CAMTA1: variants seen among roughly 807,000 people sequenced by gnomAD.
The protein encoded by CAMTA1 is calmodulin binding transcription activator 1, also known as calmodulin-binding transcription activator 1.
A neutral mutation model predicts 170.9 loss-of-function variants in CAMTA1; 27 were observed. The observed-to-expected ratio is 0.16, with a 90% confidence interval of 0.12 to 0.22. The LOEUF is 0.22. CAMTA1 is among the 10% of genes least tolerant of loss of function. The probability of loss-of-function intolerance (pLI) is 1.00; values close to 1 mark genes in which losing one functional copy is unlikely to be tolerated. For missense variants in CAMTA1, 1,619 were observed against 2,217.2 expected (o/e 0.73, Z 5.42); for synonymous variants, 833 against 891.5 (o/e 0.93, Z 1.17).
chr1:7,405,875 C>T (rs1393558875), intron 5 of CAMTA1, among the ~76,000 whole-genome samples: 1 of 152,212 alleles, frequency 6.6e-6, no homozygotes, highest in Admixed American at 6.5e-5. Context: ...AGGACAGCAC[C>T]TCCCCAGCTG....
intron 3 of CAMTA1, among the ~76,000 whole-genome samples, chr1:6,861,585 T>G (rs1664716883): frequency 1.3e-5 from 2 of 152,184 alleles, no homozygotes; most frequent in Admixed American, 6.5e-5. Flanking sequence ...CCATTTACAT[T>G]GAACTGCATG....
chr1:7,666,909 A>G (rs1416327925), intron 9 of CAMTA1, among the ~76,000 whole-genome samples: 2 of 148,914 alleles, frequency 1.3e-5, no homozygotes, highest in African/African-American at 2.5e-5. Flanking sequence ...TGTTTTTGAG[A>G]AGGAATTTCA....
chr1:7,332,923 C>T (rs921707870), intron 5 of CAMTA1, among the ~76,000 whole-genome samples: 3 of 152,118 alleles, frequency 2.0e-5, no homozygotes, highest in Non-Finnish European at 4.4e-5. Context: ...GAAAGCTGAC[C>T]GTAGGCTTGA....
intron 3 of CAMTA1, among the ~76,000 whole-genome samples, chr1:6,993,043 A>G (rs1696645052): frequency 6.6e-6 from 1 of 152,228 alleles, no homozygotes; most frequent in African/African-American, 2.4e-5. Flanking sequence ...TAACCACATA[A>G]GGGTGGATCT....
At chr1:7,573,574 G>A (rs1168198739) in intron 6 of CAMTA1, among the ~76,000 whole-genome samples, 4 of 152,210 alleles carry the variant, frequency 2.6e-5, no homozygotes, top group Non-Finnish European at 5.9e-5. Flanking sequence ...TTCCTTCCAG[G>A]AGAGCCTATG....
At chr1:7,659,929 G>A (rs2095940051) in intron 7 of CAMTA1, among the ~76,000 whole-genome samples, 1 of 152,206 alleles carries the variant, frequency 6.6e-6, no homozygotes, top group African/African-American at 2.4e-5. Flanking sequence ...GGCTCAGAGA[G>A]GCTAAGTGAC....
At chr1:7,012,606 G>A (rs1258283439) in intron 3 of CAMTA1, among the ~76,000 whole-genome samples, 2 of 152,150 alleles carry the variant, frequency 1.3e-5, no homozygotes, top group Non-Finnish European at 2.9e-5. Context: ...GCGCTTCTCA[G>A]TCCTCGCCCT....
intron 11 of CAMTA1, among the ~76,000 whole-genome samples, chr1:7,712,965 A>T (rs1412691806): frequency 1.3e-5 from 2 of 152,172 alleles, no homozygotes; most frequent in Admixed American, 1.3e-4. Flanking sequence ...CACCCTCATG[A>T]TTCAGTTACC....
At chr1:7,059,081 T>C (rs1043382436) in intron 3 of CAMTA1, among the ~76,000 whole-genome samples, 1 of 152,192 alleles carries the variant, frequency 6.6e-6, no homozygotes, top group Non-Finnish European at 1.5e-5. Flanking sequence ...TGGGCTCTCC[T>C]TTCCATCCTC....
In CAMTA1 at chr1:7,100,729, C is replaced by A. The variant is rs754244645; in HGVS notation, c.302+9358C>A. On this transcript the variant is annotated intron_variant, in intron 4 of 22. Transcript: ENST00000303635. ...TTAATGCACCATTCTTAGTTTAGAGCCTTTCCTGGCATTGGCACAGGGGCG... is the reference window on the plus strand; with the variant it reads ...TTAATGCACCATTCTTAGTTTAGAGACTTTCCTGGCATTGGCACAGGGGCG... Among the ~76,000 whole-genome samples the A allele has an allele frequency of 2.2e-4, 34 of 152,334 alleles. 1 individual carries two copies. The highest frequency in any genetic ancestry group is 3.9e-4 in the Admixed American group (6 of 15,308).
chr1:7,491,917 C>T (rs1226040225), intron 6 of CAMTA1, among the ~76,000 whole-genome samples: 2 of 152,216 alleles, frequency 1.3e-5, no homozygotes, highest in African/African-American at 2.4e-5. Flanking sequence ...AAGACCCATG[C>T]TGCTGCCGAA....
At chr1:7,387,975 A>G (rs1020313675) in intron 5 of CAMTA1, among the ~76,000 whole-genome samples, 1 of 152,096 alleles carries the variant, frequency 6.6e-6, no homozygotes, top group African/African-American at 2.4e-5. Flanking sequence ...ATCAACATCC[A>G]GCTCTCCCAG....
Position 7,449,739 on chromosome 1 carries a change from C to T in CAMTA1, c.439-18091C>T, listed in dbSNP as rs551316245. On this transcript the variant is annotated intron_variant, in intron 5 of 22. Transcript: ENST00000303635. ...GAGCCGAAATAGTGCCACTACACTCCAGTCTGGGCAACAGAGCAAGACTCG... is the reference window on the plus strand; with the variant it reads ...GAGCCGAAATAGTGCCACTACACTCTAGTCTGGGCAACAGAGCAAGACTCG... 2.0e-3 allele frequency among the ~76,000 whole-genome samples: 264 copies of T among 134,398 alleles called. 3 individuals carry two copies. The highest frequency in any genetic ancestry group is 7.1e-3 in the African/African-American group (254 of 36,014). 88.2% of individuals were successfully genotyped at this position (134,398 alleles called of 152,430 possible).
chr1:7,761,276 G>A (rs747532097), intron 22 of CAMTA1, among the ~76,000 whole-genome samples: 2 of 152,212 alleles, frequency 1.3e-5, no homozygotes, highest in African/African-American at 2.4e-5. Flanking sequence ...GTTACTGATA[G>A]GAGTCAGAAA....
chr1:6,902,109 T>G lies in CAMTA1; in HGVS notation c.234+76899T>G, dbSNP rs77830178. 2.6e-3 allele frequency among the ~76,000 whole-genome samples: 391 copies of G among 150,190 alleles called. 1 individual carries two copies. The highest frequency in any genetic ancestry group is 9.3e-3 in the African/African-American group (376 of 40,500). On this transcript the variant is annotated intron_variant, in intron 3 of 22. Transcript: ENST00000303635. ...TAAAAATAAAAACTCGTACTGGCTT[T>G]TAGGAATGCAGAATGCTACAGCCAC...
chr1:7,420,654 C>T (rs1011551848), intron 5 of CAMTA1, among the ~76,000 whole-genome samples: 2 of 152,160 alleles, frequency 1.3e-5, no homozygotes, highest in Non-Finnish European at 2.9e-5. Context: ...TATGCTCAGT[C>T]TCCTGGAAAT....
chr1:7,613,917 GGAGA>G (rs934982601), intron 6 of CAMTA1, among the ~76,000 whole-genome samples: 1 of 149,400 alleles, frequency 6.7e-6, no homozygotes, highest in African/African-American at 2.5e-5. Flanking sequence ...TCAGGTGGGA[GGAGA>G]GAGATGGTGG....
chr1:7,748,344 C>T lies in CAMTA1; in HGVS notation c.4689+563C>T, dbSNP rs934745056. The stretch of plus-strand genomic sequence containing the variant: ...CCTCAAGAGGCTGAGGCCGGAGGAT[C>T]TTCTTGAACCCAGGTGTTGATGTCC... On this transcript the variant is annotated intron_variant, in intron 19 of 22. Coordinates refer to ENST00000303635, the MANE Select transcript of CAMTA1 (RefSeq NM_015215.4). The surrounding 1 kb of genome is among the most constrained non-coding windows in gnomAD (Gnocchi z 4.7). 6.6e-6 allele frequency among the ~76,000 whole-genome samples: 1 copy of T among 152,150 alleles called. No individual in the cohort carries two copies. The highest frequency in any genetic ancestry group is 1.5e-5 in the Non-Finnish European group (1 of 68,026).
chr1:7,759,498 C>T (rs1429381112), intron 22 of CAMTA1, among the ~76,000 whole-genome samples: 2 of 152,150 alleles, frequency 1.3e-5, no homozygotes, highest in Admixed American at 6.5e-5. Context: ...ATACTGTCAT[C>T]AGGGTTTTTG....
Sources: allele counts gnomAD v4.1 joint callset (sites outside exome capture counted in the v4.1 genomes callset), GRCh38; gene constraint gnomAD v4.1.1; non-coding constraint Gnocchi (gnomAD v3.1); transcripts MANE v1.5; gene names NCBI Gene and HGNC (gene_info 2026-07-23, HGNC 2026-07-21).